Variants in RYR3 observed in about 807,000 individuals in gnomAD.
RYR3 encodes the protein ryanodine receptor 3, also known as brain ryanodine receptor-calcium release channel.
Under a neutral mutation model 584.3 loss-of-function variants are expected in RYR3, and 207 were observed. The ratio of observed to expected loss-of-function variants is 0.35; its 90% CI spans 0.32 to 0.40. The LOEUF (loss-of-function observed/expected upper bound fraction) is 0.40, where lower values mean the gene tolerates loss of function less well. Among genes scored for constraint, RYR3 ranks in the 10% least tolerant of loss-of-function variants. RYR3 has a pLI of 1.00. For missense variants in RYR3, 5,616 were observed against 6,089.2 expected (o/e 0.92, Z 2.59); for synonymous variants, 2,416 against 2,248.5 (o/e 1.07, Z -2.11).
intron 1 of RYR3, among the ~76,000 whole-genome samples, chr15:33,409,234 G>A (rs1180357742): frequency 4.6e-5 from 7 of 151,666 alleles, no homozygotes; most frequent in Non-Finnish European, 4.4e-5. Context: ...TGTACAATGT[G>A]CAGGTTAGTT....
rs2074316463 is a variant in RYR3, at chr15:33,780,434, G to A, written c.9268+93G>A. 2.9e-6 allele frequency: 4 copies of A among 1,365,118 alleles called. No individual in the cohort carries two copies. The South Asian group carries it at 5.5e-5, about 19-fold the overall frequency. The allele number at this position is 1,365,118 out of a possible 1,614,324, so 84.6% of individuals were successfully genotyped here. On this transcript the variant is annotated intron_variant, in intron 65 of 103. Coordinates refer to ENST00000634891, the MANE Select transcript of RYR3 (RefSeq NM_001036.6). ...GGGAGCAGCAGCCCTGCAGCACTGT[G>A]GCTTTCTTGGTCTGAGAGGAGCCAG...
intron 18 of RYR3, among the ~76,000 whole-genome samples, chr15:33,604,073 C>T (rs1419138344): frequency 6.6e-6 from 1 of 152,176 alleles, no homozygotes. Flanking sequence ...GAAGAAGAGC[C>T]CTACCTCTCC....
At chr15:33,415,657 T>G (rs183332354) in intron 1 of RYR3, among the ~76,000 whole-genome samples, 26 of 152,316 alleles carry the variant, frequency 1.7e-4, no homozygotes, top group Admixed American at 1.5e-3. Context: ...GAGTTCACAT[T>G]TGAACTAGAC....
chr15:33,807,524 C>A, intron 69 of RYR3, 31 bp from the exon 70 acceptor site: 1 of 1,551,218 alleles, frequency 6.4e-7, no homozygotes. Flanking sequence ...GACTCTTCTC[C>A]TTGTTTCTTT....
chr15:33,783,522 T>C (rs2074512912), intron 65 of RYR3, among the ~76,000 whole-genome samples: 1 of 152,210 alleles, frequency 6.6e-6, no homozygotes, highest in Non-Finnish European at 1.5e-5. Context: ...TTATAATGGC[T>C]CCAGTGCAGC....
intron 1 of RYR3, among the ~76,000 whole-genome samples, chr15:33,341,608 A>G (rs1268415474): frequency 6.6e-6 from 1 of 152,142 alleles, no homozygotes; most frequent in Non-Finnish European, 1.5e-5. Context: ...ACCATCTACC[A>G]TCTAGAAGCA....
At chr15:33,573,150 CAA>C (rs1491420301) in intron 12 of RYR3, among the ~76,000 whole-genome samples, 5 of 151,844 alleles carry the variant, frequency 3.3e-5, no homozygotes, top group Non-Finnish European at 5.9e-5. Flanking sequence ...GTCCCACCCT[CAA>C]GAGGGAAATT....
intron 43 of RYR3, among the ~76,000 whole-genome samples, chr15:33,717,488 C>A (rs1567014708): frequency 6.6e-6 from 1 of 152,088 alleles, no homozygotes; most frequent in South Asian, 2.1e-4. Flanking sequence ...TCTGTTGATT[C>A]AGCATCTAAA....
In RYR3 at chr15:33,344,518, A is replaced by G. The variant is rs1292750870; in HGVS notation, c.51+33422A>G. Reference sequence around the variant, plus strand: ...ATATATATATATTTTTCCAGAAGACATTTTGGAATCATCTAGTTCATATAG... The same window carrying G: ...ATATATATATATTTTTCCAGAAGACGTTTTGGAATCATCTAGTTCATATAG... On this transcript the variant is annotated intron_variant, in intron 1 of 103. Coordinates refer to ENST00000634891, the MANE Select transcript of RYR3 (RefSeq NM_001036.6). 2.6e-5 allele frequency among the ~76,000 whole-genome samples: 4 copies of G among 151,986 alleles called. No homozygotes were observed. The East Asian group carries it at 7.7e-4, about 29-fold the overall frequency.
chr15:33,409,804 G>C (rs903288158), intron 1 of RYR3, among the ~76,000 whole-genome samples: 1 of 152,136 alleles, frequency 6.6e-6, no homozygotes, highest in Non-Finnish European at 1.5e-5. Flanking sequence ...TCTTAGAGGG[G>C]ATCAAGAACT....
intron 93 of RYR3, among the ~76,000 whole-genome samples, chr15:33,845,878 A>G (rs531886414): frequency 6.6e-6 from 1 of 152,386 alleles, no homozygotes; most frequent in Admixed American, 6.5e-5. Flanking sequence ...TCAGTGGTCT[A>G]AAATGACAAC....
chr15:33,666,720 T>C (rs1366196135), intron 36 of RYR3, among the ~76,000 whole-genome samples: 1 of 152,166 alleles, frequency 6.6e-6, no homozygotes, highest in Non-Finnish European at 1.5e-5. Context: ...TATAACTAAG[T>C]ACAAAAGAAG....
intron 96 of RYR3, 39 bp downstream of exon 96, chr15:33,853,721 A>G (rs1355739785): frequency 1.3e-6 from 2 of 1,598,742 alleles, no homozygotes; most frequent in East Asian, 2.2e-5. Flanking sequence ...AAGCAGCTAA[A>G]ATAGATAGAT....
chr15:33,428,300 G>T (rs2044819669), intron 1 of RYR3, among the ~76,000 whole-genome samples: 1 of 152,190 alleles, frequency 6.6e-6, no homozygotes, highest in Non-Finnish European at 1.5e-5. Flanking sequence ...TGTACATTCA[G>T]TTATTGATGA....
chr15:33,672,290 C>T (rs1413380399), intron 38 of RYR3, among the ~76,000 whole-genome samples: 3 of 152,208 alleles, frequency 2.0e-5, no homozygotes, highest in Non-Finnish European at 4.4e-5. Flanking sequence ...GGATTGCAGT[C>T]TGCAGCCCCG....
At chr15:33,545,669 G>A (rs1321858417) in intron 8 of RYR3, among the ~76,000 whole-genome samples, 19 of 152,126 alleles carry the variant, frequency 1.2e-4, no homozygotes, top group Admixed American at 1.2e-3. Context: ...TGAAGTGAGT[G>A]ATAAGCCTTG....
intron 16 of RYR3, among the ~76,000 whole-genome samples, chr15:33,598,825 G>A (rs529047648): frequency 3.3e-5 from 5 of 152,166 alleles, no homozygotes; most frequent in African/African-American, 4.8e-5. Flanking sequence ...AGGCTGAGGC[G>A]GGTGGATCAC....
intron 1 of RYR3, among the ~76,000 whole-genome samples, chr15:33,394,791 T>A (rs1055238546): frequency 6.6e-6 from 1 of 152,182 alleles, no homozygotes; most frequent in African/African-American, 2.4e-5. Context: ...TTCTAAATAA[T>A]GTAGCAACCA....
At chr15:33,857,226 A>C (rs6495291) in intron 98 of RYR3, among the ~76,000 whole-genome samples, 96,528 of 146,414 alleles carry the variant, frequency 0.66, 31,498 homozygotes, top group Admixed American at 0.73. Context: ...GGCGGTAAGT[A>C]AGTCCAGTAT....
Sources: allele counts gnomAD v4.1 joint callset (sites outside exome capture counted in the v4.1 genomes callset), GRCh38; gene constraint gnomAD v4.1.1; transcripts MANE v1.5; gene names NCBI Gene and HGNC (gene_info 2026-07-23, HGNC 2026-07-21).